The following ITGB5 variants were observed in gnomAD, a reference collection of about 807,000 sequenced individuals.
ITGB5 encodes integrin subunit beta 5, also known as integrin beta-5.
Under a neutral mutation model 84.8 loss-of-function variants are expected in ITGB5, and 38 were observed. The ratio of observed to expected loss-of-function variants is 0.45; its 90% confidence interval spans 0.35 to 0.59. The LOEUF is 0.59. Among genes scored for constraint, ITGB5 ranks in the 20% least tolerant of loss-of-function variants. The probability of loss-of-function intolerance (pLI) is 0.01; values close to 1 mark genes in which losing one functional copy is unlikely to be tolerated. For synonymous variants in ITGB5, 393 were observed against 414.4 expected, an observed-to-expected ratio of 0.95 and a Z score of 0.63; for missense variants, 905 against 1,034.5, an observed-to-expected ratio of 0.87 and a Z score of 1.72.
intron 3 of ITGB5, among the ~76,000 whole-genome samples, chr3:124,855,725 G>A (rs1402761814): frequency 7.9e-5 from 12 of 152,028 alleles, no homozygotes; most frequent in African/African-American, 2.7e-4. Flanking sequence ...TCTCCACCAC[G>A]ACACCTTCCG....
In ITGB5 at chr3:124,771,254, A is replaced by C. The variant is rs551697778; in HGVS notation, c.1917-2141T>G. 3.3e-5 allele frequency among the ~76,000 whole-genome samples: 5 copies of C among 152,336 alleles called. No individual in the cohort carries two copies. In the South Asian group the frequency reaches 1.0e-3, roughly 32 times the overall value. On this transcript the variant is annotated intron_variant, in intron 11 of 14. Transcript: ENST00000296181. ...AAAAGTGTGGTTAGTTAGATCCAGA[A>C]AACGAAGACTGGCTGCCCTGAAACC...
At position 124,834,318 on chromosome 3, in the gene ITGB5, G is replaced by C. The variant is rs527336905; in HGVS notation, c.780+7065C>G. On this transcript the variant is annotated intron_variant, in intron 5 of 14. Coordinates refer to ENST00000296181, the MANE Select transcript of ITGB5 (RefSeq NM_002213.5). ...GCTGATGGTGGGGGAGGTTGTGTGC[G>C]CAGTGGTCAGAGGGAAGTTGTGGGA... Among the ~76,000 whole-genome samples, 19 of 151,752 alleles carry C rather than the reference G, an allele frequency of 1.3e-4. No individual in the cohort carries two copies. In the South Asian group the frequency reaches 4.0e-3, roughly 32 times the overall value.
In ITGB5 at chr3:124,769,179, GCTC is replaced by G; in HGVS notation, c.1917-69_1917-67del. ...AGAACAGTCCCACACCTGTCCCTGAGCTCCTGACAGTGCAGGACCTGGGAAGGC... is the reference window on the plus strand; with the variant it reads ...AGAACAGTCCCACACCTGTCCCTGAGCTGACAGTGCAGGACCTGGGAAGGC... On this transcript the variant is annotated intron_variant, in intron 11 of 14. Transcript: ENST00000296181. The G allele has an allele frequency of 2.3e-6, 3 of 1,289,888 alleles. No individual in the cohort carries two copies. The South Asian group carries it at 3.7e-5, about 16-fold the overall frequency. 79.9% of individuals were successfully genotyped at this position (1,289,888 alleles called of 1,614,324 possible).
At chr3:124,873,310 TG>T (rs2107639528) in intron 2 of ITGB5, 135 bp downstream of exon 2, 1 of 729,172 alleles carries the variant, frequency 1.4e-6, no homozygotes, top group East Asian at 2.5e-5. Context: ...TCTGCCCTGA[TG>T]GGGAAGAGGC....
intron 4 of ITGB5, among the ~76,000 whole-genome samples, chr3:124,846,642 C>T (rs981575005): frequency 9.9e-5 from 15 of 151,946 alleles, no homozygotes; most frequent in Admixed American, 3.9e-4. Context: ...TTATATTAAA[C>T]GCAAACGCAG....
intron 10 of ITGB5, among the ~76,000 whole-genome samples, chr3:124,793,763 C>G (rs1414936641): frequency 6.6e-6 from 1 of 152,246 alleles, no homozygotes; most frequent in East Asian, 1.9e-4. Flanking sequence ...TATCATCACT[C>G]TGCTGAGGAA....
chr3:124,775,075 G>A (rs2063904325), intron 10 of ITGB5, among the ~76,000 whole-genome samples: 1 of 152,222 alleles, frequency 6.6e-6, no homozygotes, highest in African/African-American at 2.4e-5. Flanking sequence ...AGAACCTGCA[G>A]GGGGATGCCC....
intron 5 of ITGB5, among the ~76,000 whole-genome samples, chr3:124,830,714 T>C (rs2064847912): frequency 6.6e-6 from 1 of 152,180 alleles, no homozygotes; most frequent in East Asian, 1.9e-4. Context: ...CCGGGCACGG[T>C]GGCTCATGCC....
intron 5 of ITGB5, among the ~76,000 whole-genome samples, chr3:124,825,337 C>T (rs2064770640): frequency 6.6e-6 from 1 of 152,140 alleles, no homozygotes; most frequent in Admixed American, 6.5e-5. Flanking sequence ...CCAGCAATTC[C>T]ACTCTTTGGT....
chr3:124,822,332 G>A (rs959264287), intron 5 of ITGB5, among the ~76,000 whole-genome samples: 9 of 152,134 alleles, frequency 5.9e-5, no homozygotes, highest in South Asian at 4.1e-4. Flanking sequence ...CAAATGCGTC[G>A]GTAGCAGCAT....
At chr3:124,808,788 A>C (rs532430672) in intron 9 of ITGB5, among the ~76,000 whole-genome samples, 1 of 152,342 alleles carries the variant, frequency 6.6e-6, no homozygotes, top group Admixed American at 6.5e-5. Context: ...AACTTAAGAA[A>C]GCCTCAGGTA....
intron 5 of ITGB5, among the ~76,000 whole-genome samples, chr3:124,824,514 T>C (rs985294540): frequency 7.1e-6 from 1 of 140,082 alleles, no homozygotes; most frequent in Non-Finnish European, 1.5e-5. Context: ...GGATAAAAAG[T>C]TGATGAACTG....
intron 2 of ITGB5, among the ~76,000 whole-genome samples, chr3:124,865,247 A>G (rs1394384799): frequency 1.3e-5 from 2 of 152,160 alleles, no homozygotes; most frequent in East Asian, 3.9e-4. Context: ...TCAACAGGCA[A>G]AAATGGCAAC....
intron 10 of ITGB5, among the ~76,000 whole-genome samples, chr3:124,784,836 C>G (rs1027702150): frequency 2.6e-5 from 4 of 152,250 alleles, no homozygotes; most frequent in African/African-American, 9.6e-5. Context: ...TCGCCACCCT[C>G]TTGGTCACCG....
chr3:124,807,711 C>T (rs1003673149), intron 9 of ITGB5, among the ~76,000 whole-genome samples: 7 of 151,412 alleles, frequency 4.6e-5, no homozygotes, highest in Non-Finnish European at 8.8e-5. Context: ...TTTCGGAGGC[C>T]GAGGCGGGTG....
At chr3:124,858,476 A>G (rs1292447674) in intron 3 of ITGB5, among the ~76,000 whole-genome samples, 1 of 152,264 alleles carries the variant, frequency 6.6e-6, no homozygotes, top group African/African-American at 2.4e-5. Flanking sequence ...ACAAGAGCCA[A>G]AAGTTGAAGA....
intron 5 of ITGB5, among the ~76,000 whole-genome samples, chr3:124,839,340 T>C (rs893396754): frequency 2.6e-5 from 4 of 152,226 alleles, no homozygotes; most frequent in African/African-American, 9.6e-5. Context: ...CTTGAAATAC[T>C]GTGTTTTCAA....
At chr3:124,783,290 C>CAAAAA (rs758967509) in intron 10 of ITGB5, among the ~76,000 whole-genome samples, 3 of 56,962 alleles carry the variant, frequency 5.3e-5, no homozygotes, top group Non-Finnish European at 7.1e-5. Flanking sequence ...GACTCCGTCT[C>CAAAAA]AAAAAAAAAA....
intron 2 of ITGB5, among the ~76,000 whole-genome samples, chr3:124,861,781 C>T (rs1304017604): frequency 1.4e-4 from 22 of 152,120 alleles, no homozygotes; most frequent in Non-Finnish European, 2.8e-4. Flanking sequence ...AGGATGGCCT[C>T]GATCTCCTGA....
Sources: allele counts gnomAD v4.1 joint callset (sites outside exome capture counted in the v4.1 genomes callset), GRCh38; gene constraint gnomAD v4.1.1; transcripts MANE v1.5; gene names NCBI Gene and HGNC (gene_info 2026-07-23, HGNC 2026-07-21).